KIAA1217: variants seen among roughly 807,000 people sequenced by gnomAD.
KIAA1217 encodes the protein KIAA1217.
In KIAA1217, 88 loss-of-function variants were observed where a neutral mutation model predicts 163.9. The ratio of observed to expected loss-of-function variants is 0.54; its 90% confidence interval spans 0.45 to 0.64. KIAA1217 has a LOEUF of 0.64. Among genes scored for constraint, KIAA1217 ranks in the 30% least tolerant of loss-of-function variants. KIAA1217 has a pLI of 0.00. For synonymous variants in KIAA1217, 903 were observed against 923.1 expected, an observed-to-expected ratio of 0.98 and a Z score of 0.39; for missense variants, 2,372 against 2,475.0, an observed-to-expected ratio of 0.96 and a Z score of 0.88.
chr10:24,377,187 C>A (rs76282462), intron 2 of KIAA1217, among the ~76,000 whole-genome samples: 1 of 152,102 alleles, frequency 6.6e-6, no homozygotes, highest in Non-Finnish European at 1.5e-5. Flanking sequence ...CCCCTTCATG[C>A]ATGACCCCAA....
intron 2 of KIAA1217, among the ~76,000 whole-genome samples, chr10:24,323,909 T>C (rs1367893442): frequency 1.3e-5 from 2 of 151,830 alleles, no homozygotes; most frequent in African/African-American, 4.8e-5. Flanking sequence ...TAATTAATGA[T>C]AGTATGTTTC....
chr10:24,100,858 T>C (rs1392476661), intron 2 of KIAA1217, among the ~76,000 whole-genome samples: 1 of 152,184 alleles, frequency 6.6e-6, no homozygotes, highest in Non-Finnish European at 1.5e-5. Context: ...TTTTCTATTT[T>C]CCTCATAAAA....
intron 2 of KIAA1217, among the ~76,000 whole-genome samples, chr10:24,067,077 C>A (rs2060980915): frequency 6.6e-6 from 1 of 152,028 alleles, no homozygotes; most frequent in African/African-American, 2.4e-5. Context: ...ACTTCTTTGC[C>A]ATTGGTTTGA....
chr10:24,213,327 T>C (rs1458483887), intron 1 of KIAA1217, among the ~76,000 whole-genome samples: 1 of 152,182 alleles, frequency 6.6e-6, no homozygotes, highest in East Asian at 1.9e-4. Context: ...AGTCCTGACG[T>C]GTGTGCTTTT....
At chr10:23,961,321 A>G (rs936914556) in intron 1 of KIAA1217, among the ~76,000 whole-genome samples, 4 of 152,364 alleles carry the variant, frequency 2.6e-5, no homozygotes, top group East Asian at 3.9e-4. Flanking sequence ...TTATCCAAAA[A>G]TAATATTTGA....
At chr10:24,074,169 T>C (rs2061287381) in intron 2 of KIAA1217, among the ~76,000 whole-genome samples, 1 of 152,096 alleles carries the variant, frequency 6.6e-6, no homozygotes, top group Non-Finnish European at 1.5e-5. Context: ...ACCAACATGG[T>C]GAAACACCAT....
chr10:24,520,651 A>AAATATATAT (rs1554926857), intron 11 of KIAA1217, among the ~76,000 whole-genome samples: 1 of 39,662 alleles, frequency 2.5e-5, no homozygotes, highest in African/African-American at 8.8e-5. Flanking sequence ...AAAAAAAAAA[A>AAATATATAT]ATATATATAT....
At chr10:24,081,725 A>G (rs2061544073) in intron 2 of KIAA1217, among the ~76,000 whole-genome samples, 1 of 152,236 alleles carries the variant, frequency 6.6e-6, no homozygotes, top group African/African-American at 2.4e-5. Context: ...GAAGAAAAAA[A>G]GAATCTCATA....
intron 2 of KIAA1217, among the ~76,000 whole-genome samples, chr10:24,280,524 A>G (rs1286868375): frequency 6.6e-6 from 1 of 152,226 alleles, no homozygotes; most frequent in Non-Finnish European, 1.5e-5. Context: ...ATAAAGGAAT[A>G]AACCTGGCCG....
chr10:24,181,116 A>T (rs1294620037), intron 2 of KIAA1217, among the ~76,000 whole-genome samples: 4 of 152,230 alleles, frequency 2.6e-5, no homozygotes, highest in Admixed American at 6.5e-5. Context: ...AGTCTGGCAG[A>T]CATGGTCCCT....
At chr10:23,727,534 T>C (rs1040386458) in intron 1 of KIAA1217, among the ~76,000 whole-genome samples, 2 of 152,128 alleles carry the variant, frequency 1.3e-5, no homozygotes, top group African/African-American at 4.8e-5. Context: ...CACTCCAGTC[T>C]GGGCGACAGA....
chr10:24,544,218 T>C lies in KIAA1217; in HGVS notation c.4948T>C (p.Ser1650Pro), dbSNP rs748009455. ...RQEQPSIEST[S>P]PISRTDEIRK... is the part of the protein sequence containing the mutation. ...AGAGCAGCCCAGCATCGAGAGTACA[T>C]CTCCGATTTCAAGAACTGATGAAAT... The change falls in exon 19 of 21, where the codon TCT becomes CCT. Residue 1650 changes from serine (S) to proline (P), a missense_variant. Around this residue, in one of 3 missense-constraint regions of KIAA1217, gnomAD observed 690 missense variants for 677.5 expected, o/e 1.02. Transcript: ENST00000376454. 3 of 1,613,954 alleles carry C rather than the reference T, an allele frequency of 1.9e-6. No individual in the cohort carries two copies. The highest frequency in any genetic ancestry group is 2.5e-6 in the Non-Finnish European group (3 of 1,179,992).
rs1244183029 is a variant in KIAA1217 at position 24,020,847 on chromosome 10, CA to C, written c.-171+13477del. 2.0e-5 allele frequency among the ~76,000 whole-genome samples: 3 copies of C among 151,892 alleles called. No homozygotes were observed. The South Asian group carries it at 6.2e-4, about 32-fold the overall frequency. On this transcript the variant is annotated intron_variant, in intron 2 of 18. Transcript: ENST00000376462. ...TTCCTAGCAAGTTCCTAAAACAAAACAAAACAAAACAAAACAACAACCTTGG... is the reference window on the plus strand; with the variant it reads ...TTCCTAGCAAGTTCCTAAAACAAAACAAACAAAACAAAACAACAACCTTGG...
intron 9 of KIAA1217, among the ~76,000 whole-genome samples, chr10:24,512,075 T>C (rs1034259379): frequency 1.3e-5 from 2 of 152,208 alleles, no homozygotes; most frequent in Admixed American, 1.3e-4. Context: ...TTCATCACCA[T>C]GCAGTGCTGA....
At chr10:23,907,996 A>G (rs1842243642) in intron 1 of KIAA1217, among the ~76,000 whole-genome samples, 1 of 152,122 alleles carries the variant, frequency 6.6e-6, no homozygotes, top group African/African-American at 2.4e-5. Flanking sequence ...GGGGCTTGGT[A>G]GTGAAGCCAT....
At chr10:23,791,860 A>T (rs1057453611) in intron 1 of KIAA1217, among the ~76,000 whole-genome samples, 1 of 151,948 alleles carries the variant, frequency 6.6e-6, no homozygotes, top group Non-Finnish European at 1.5e-5. Flanking sequence ...ATTTCCACCA[A>T]ATAAGAAGTG....
chr10:23,798,956 G>A (rs1836341411), intron 1 of KIAA1217, among the ~76,000 whole-genome samples: 1 of 152,174 alleles, frequency 6.6e-6, no homozygotes, highest in East Asian at 1.9e-4. Flanking sequence ...CATTTCTGGA[G>A]GCTAGAAATT....
intron 10 of KIAA1217, 140 bp from the exon 11 acceptor site, chr10:24,519,983 C>G (rs775772547): frequency 1.1e-6 from 1 of 882,872 alleles, no homozygotes; most frequent in Non-Finnish European, 1.7e-6. Flanking sequence ...CGACCCCCCT[C>G]CACCACCACC....
rs1164270610 is a variant in KIAA1217, at chr10:24,526,179, A to G, written c.2898+1415A>G. Among the ~76,000 whole-genome samples the G allele has an allele frequency of 3.3e-5, 5 of 152,144 alleles. No homozygotes were observed. In the East Asian group the frequency reaches 9.7e-4, roughly 29 times the overall value. On this transcript the variant is annotated intron_variant, in intron 13 of 20. Transcript: ENST00000376454. Reference sequence around the variant, plus strand: ...AACCCTCCTGCCTCTACTGAAAGTCACCAGTGGAGAGGTCAGGTTGGGTAT... The same window carrying G: ...AACCCTCCTGCCTCTACTGAAAGTCGCCAGTGGAGAGGTCAGGTTGGGTAT...
Sources: gnomAD v4.1 joint callset for allele counts (sites outside exome capture counted in the v4.1 genomes callset) on GRCh38, gnomAD v4.1.1 for gene constraint, gnomAD v4.1.1 regional missense constraint, MANE v1.5 for transcripts, NCBI Gene and HGNC (gene_info 2026-07-23, HGNC 2026-07-21) for gene names.